PCDHA1: variants seen among roughly 807,000 people sequenced by gnomAD.
PCDHA1 encodes protocadherin alpha-1.
Under a neutral mutation model 61.3 loss-of-function variants are expected in PCDHA1, and 42 were observed. The observed-to-expected ratio is 0.69, with a 90% CI of 0.54 to 0.89. The LOEUF is 0.89. Among genes scored for constraint, PCDHA1 ranks in the 40% least tolerant of loss-of-function variants. The probability of loss-of-function intolerance (pLI) is 0.00; values close to 1 mark genes in which losing one functional copy is unlikely to be tolerated. For synonymous variants in PCDHA1, 610 were observed against 553.8 expected (o/e 1.10, Z -1.43); for missense variants, 1,256 against 1,235.3 (o/e 1.02, Z -0.25).
At chr5:140,950,389 T>C (rs269550) in intron 1 of PCDHA1, among the ~76,000 whole-genome samples, 33,984 of 151,960 alleles carry the variant, frequency 0.22, 4,900 homozygotes, top group African/African-American at 0.41. Context: ...TTGAATGATA[T>C]AGAATTCTGG....
rs1035083797 is a variant in PCDHA1, at chr5:140,787,425, T to C, written c.1135T>C (p.Ser379Pro). 4 of 1,614,084 alleles carry C rather than the reference T, an allele frequency of 2.5e-6. No homozygotes were observed. Among genetic ancestry groups the C allele is most frequent in the Non-Finnish European group, 2.5e-6 (3 of 1,180,044 alleles). ...IALITVSDRD[S>P]GANGQVTCSL... ...CCTCATCACCGTGTCTGACCGTGAC[T>C]CAGGTGCCAACGGGCAGGTGACTTG... Residue 379 changes from serine (S) to proline (P), a missense_variant, in exon 1 of 4, where the codon TCA becomes CCA. Physicochemically the swap from Ser to Pro is moderately conservative, Grantham distance 74 (BLOSUM62 -1). Coordinates refer to ENST00000504120, the MANE Select transcript of PCDHA1 (RefSeq NM_018900.4).
intron 1 of PCDHA1, among the ~76,000 whole-genome samples, chr5:140,947,415 G>C (rs116670354): frequency 0.021 from 3,167 of 151,674 alleles, 64 homozygotes; most frequent in Admixed American, 0.045. Flanking sequence ...TGATATTGTA[G>C]CTTTATAAAT....
chr5:140,833,685 T>C (rs1301344321), intron 1 of PCDHA1, among the ~76,000 whole-genome samples: 2 of 152,124 alleles, frequency 1.3e-5, no homozygotes, highest in South Asian at 2.1e-4. Context: ...CCAAACCTTC[T>C]CTTATTTTGT....
chr5:140,972,359 A>T (rs1466504264), intron 1 of PCDHA1, among the ~76,000 whole-genome samples: 3 of 151,418 alleles, frequency 2.0e-5, no homozygotes, highest in Non-Finnish European at 4.4e-5. Flanking sequence ...TATGTTGCAC[A>T]TGCTGTTAGT....
intron 1 of PCDHA1, among the ~76,000 whole-genome samples, chr5:140,915,722 A>G (rs559518429): frequency 1.3e-5 from 2 of 151,088 alleles, no homozygotes; most frequent in South Asian, 4.2e-4. Flanking sequence ...CCCACTTTGG[A>G]TTGTGCTGGG....
Position 140,869,675 on chromosome 5 carries a change from G to C in PCDHA1, c.2394+80991G>C, listed in dbSNP as rs1040647730. 3 of 1,613,268 alleles carry C rather than the reference G, an allele frequency of 1.9e-6. No homozygotes were observed. The South Asian group carries it at 3.3e-5, about 18-fold the overall frequency. Reference sequence around the variant, plus strand: ...CCAACAAATGGTAAGCAGATTAAAAGACTGTCACTTATTTTAAAGAAGTCT... The same window carrying C: ...CCAACAAATGGTAAGCAGATTAAAACACTGTCACTTATTTTAAAGAAGTCT... On this transcript the variant is annotated intron_variant, in intron 1 of 3. Transcript: ENST00000504120.
intron 1 of PCDHA1, among the ~76,000 whole-genome samples, chr5:140,954,634 T>C (rs1366737169): frequency 6.6e-6 from 1 of 152,210 alleles, no homozygotes; most frequent in Admixed American, 6.5e-5. Flanking sequence ...GTTTTTCTTG[T>C]AAATTTGTTT....
chr5:140,942,518 G>A (rs2093312014), intron 1 of PCDHA1, among the ~76,000 whole-genome samples: 1 of 151,908 alleles, frequency 6.6e-6, no homozygotes, highest in Non-Finnish European at 1.5e-5. Flanking sequence ...ACTCAGAGGG[G>A]AAGCAACTAA....
rs1554118171 is a variant in PCDHA1 at position 140,788,174 on chromosome 5, G to T, written c.1884G>T (p.Thr628=). The change falls in exon 1 of 4, where the codon ACG becomes ACT. Residue 628 remains threonine, a synonymous_variant. Coordinates refer to ENST00000504120, the MANE Select transcript of PCDHA1 (RefSeq NM_018900.4). ...ARIPFRVGLY[T]GEISTTRVLD... ...TCCCGTTCCGCGTGGGGCTGTACAC[G>T]GGCGAGATCAGCACGACTCGTGTCC... 1.9e-6 allele frequency: 3 copies of T among 1,613,876 alleles called. No individual in the cohort carries two copies. Among genetic ancestry groups the T allele is most frequent in the Admixed American group, 1.7e-5 (1 of 60,002 alleles).
At chr5:140,982,602 G>A (rs1554244640) in intron 3 of PCDHA1, 39 bp downstream of exon 3, 2 of 1,607,914 alleles carry the variant, frequency 1.2e-6, no homozygotes, top group African/African-American at 2.7e-5. Context: ...CTTGGTTTCT[G>A]GAAAGTGATC....
chr5:140,830,293 G>A (rs2150184620), intron 1 of PCDHA1: 3 of 1,613,856 alleles, frequency 1.9e-6, no homozygotes, highest in Non-Finnish European at 2.5e-6. Flanking sequence ...CGTGCACGGC[G>A]GACAAGCCCA....
rs782065777 is a variant in PCDHA1, at chr5:140,876,365, A to G, written c.2394+87681A>G. Reference sequence around the variant, plus strand: ...AAATGTATGTTTTCAATAAATCCAGACACAGGTGAAATTAGAATTTATGGT... The same window carrying G: ...AAATGTATGTTTTCAATAAATCCAGGCACAGGTGAAATTAGAATTTATGGT... On this transcript the variant is annotated intron_variant, in intron 1 of 3. Coordinates refer to ENST00000504120, the MANE Select transcript of PCDHA1 (RefSeq NM_018900.4). 60 of 1,613,862 alleles carry G rather than the reference A, an allele frequency of 3.7e-5. 2 individuals carry two copies. In the South Asian group the frequency reaches 6.5e-4, roughly 17 times the overall value.
chr5:140,807,523 G>A, intron 1 of PCDHA1: 1 of 1,614,104 alleles, frequency 6.2e-7, no homozygotes, highest in South Asian at 1.1e-5. Context: ...TCGTAGACAG[G>A]CCGCTGCAGG....
chr5:140,833,113 A>G (rs1554133763), intron 1 of PCDHA1, among the ~76,000 whole-genome samples: 1 of 152,250 alleles, frequency 6.6e-6, no homozygotes, highest in Non-Finnish European at 1.5e-5. Flanking sequence ...ACACTCTTCA[A>G]AGTCATTTGA....
intron 1 of PCDHA1, chr5:140,796,283 G>T: frequency 1.2e-6 from 2 of 1,614,166 alleles, no homozygotes; most frequent in Non-Finnish European, 1.7e-6. Context: ...GCCACCACCA[G>T]CGTGTCCATC....
chr5:140,884,057 G>C lies in PCDHA1; in HGVS notation c.2395-94892G>C, dbSNP rs141156800. On this transcript the variant is annotated intron_variant, in intron 1 of 3. Transcript: ENST00000504120. ...CCACGTGGTGGCGAAGGTGCGCGCG[G>C]TGGACGCCGATTCGGGCTACAATGC... 6.2e-6 allele frequency: 10 copies of C among 1,613,422 alleles called. No homozygotes were observed. In the African/African-American group the frequency reaches 1.3e-4, roughly 22 times the overall value.
chr5:140,884,833 C>T (rs1175023363), intron 1 of PCDHA1: 1 of 916,514 alleles, frequency 1.1e-6, no homozygotes, highest in Non-Finnish European at 1.5e-6. Flanking sequence ...GTTGGATTAT[C>T]CTTCAGAGTG....
At chr5:140,822,934 T>G in intron 1 of PCDHA1, 10 of 1,614,238 alleles carry the variant, frequency 6.2e-6, no homozygotes, top group Non-Finnish European at 6.8e-6. Flanking sequence ...GGTGACCTGC[T>G]CCCTAATGCC....
chr5:140,955,998 G>A (rs1194688184), intron 1 of PCDHA1, among the ~76,000 whole-genome samples: 1 of 152,174 alleles, frequency 6.6e-6, no homozygotes, highest in Non-Finnish European at 1.5e-5. Context: ...CATTGATTTT[G>A]TATCCTGAGA....
Sources: gnomAD v4.1 joint callset for allele counts (sites outside exome capture counted in the v4.1 genomes callset) on GRCh38, gnomAD v4.1.1 for gene constraint, MANE v1.5 for transcripts, NCBI Gene and HGNC (gene_info 2026-07-23, HGNC 2026-07-21) for gene names.